Variants in PCCA observed in about 807,000 individuals in gnomAD.
PCCA encodes the protein propionyl-CoA carboxylase subunit alpha.
A neutral mutation model predicts 101.3 loss-of-function variants in PCCA; 74 were observed. The observed-to-expected ratio is 0.73, with a 90% CI of 0.61 to 0.89. The LOEUF is 0.89. Among genes scored for constraint, PCCA ranks in the 40% least tolerant of loss-of-function variants. The pLI, the probability that PCCA is intolerant of heterozygous loss-of-function variation, is 0.00. For synonymous variants in PCCA, 294 were observed against 313.6 expected (o/e 0.94, Z 0.66); for missense variants, 891 against 907.0 (o/e 0.98, Z 0.23).
In PCCA at chr13:100,124,174, C is replaced by T. The variant is rs371398294; in HGVS notation, c.300+12113C>T. 1.1e-4 allele frequency among the ~76,000 whole-genome samples: 17 copies of T among 152,100 alleles called. No individual in the cohort carries two copies. The East Asian group carries it at 3.3e-3, about 29-fold the overall frequency. On this transcript the variant is annotated intron_variant, in intron 4 of 23. Coordinates refer to ENST00000376285, the MANE Select transcript of PCCA (RefSeq NM_000282.4). ...TTTGATATTTTTTAAAAAATGAGAT[C>T]TCATCAGGTTAAATGAAAAGAGTTG...
intron 19 of PCCA, among the ~76,000 whole-genome samples, chr13:100,369,878 A>G (rs1429625019): frequency 3.3e-5 from 5 of 152,094 alleles, no homozygotes; most frequent in East Asian, 1.9e-4. Context: ...AAGAGTATCA[A>G]TATTACAATG....
intron 19 of PCCA, among the ~76,000 whole-genome samples, chr13:100,419,139 T>G (rs1304591720): frequency 6.6e-6 from 1 of 152,106 alleles, no homozygotes; most frequent in Non-Finnish European, 1.5e-5. Flanking sequence ...AGGTCCTTCT[T>G]CCTGCTGACA....
At chr13:100,473,151 C>G (rs1459435990) in intron 21 of PCCA, 2 of 152,318 alleles carry the variant, frequency 1.3e-5, no homozygotes, top group East Asian at 3.9e-4. Context: ...GTAATCAGAG[C>G]AAACGGTGAC....
intron 8 of PCCA, among the ~76,000 whole-genome samples, chr13:100,248,170 A>C (rs61969220): frequency 2.0e-3 from 301 of 151,858 alleles, no homozygotes; most frequent in Non-Finnish European, 3.5e-3. Flanking sequence ...TTAGCTGGAG[A>C]GTTTAGTCCA....
At chr13:100,287,480 T>C (rs1479373250) in intron 12 of PCCA, among the ~76,000 whole-genome samples, 1 of 152,114 alleles carries the variant, frequency 6.6e-6, no homozygotes, top group African/African-American at 2.4e-5. Flanking sequence ...ATGTTCTTAA[T>C]AAGAAAAATG....
intron 6 of PCCA, among the ~76,000 whole-genome samples, chr13:100,190,699 T>C (rs749218596): frequency 6.6e-6 from 1 of 151,760 alleles, no homozygotes; most frequent in Non-Finnish European, 1.5e-5. Flanking sequence ...AAAAAGCTCA[T>C]GCCTGTTATG....
At chr13:100,205,876 G>T (rs976348246) in intron 6 of PCCA, among the ~76,000 whole-genome samples, 1 of 152,096 alleles carries the variant, frequency 6.6e-6, no homozygotes, top group East Asian at 1.9e-4. Flanking sequence ...TCTTTACTTA[G>T]TGTTTAGTGG....
intron 19 of PCCA, among the ~76,000 whole-genome samples, chr13:100,403,621 C>T (rs930669699): frequency 6.6e-6 from 1 of 152,066 alleles, no homozygotes; most frequent in Non-Finnish European, 1.5e-5. Flanking sequence ...AGGACTTTTT[C>T]TTGGTTTAGC....
chr13:100,209,556 A>G lies in PCCA; in HGVS notation c.600+93A>G, dbSNP rs903283882. The G allele has an allele frequency of 4.6e-5, 42 of 914,596 alleles. No individual in the cohort carries two copies. The African/African-American group carries it at 6.2e-4, about 14-fold the overall frequency. 56.7% of individuals were successfully genotyped at this position (914,596 alleles called of 1,614,324 possible). ...AAAATGTAACTATTGCTTTTTTGGG[A>G]TATACACACACACACACACATATGC... On this transcript the variant is annotated intron_variant, in intron 7 of 23. Transcript: ENST00000376285.
chr13:100,306,044 C>T (rs2066418672), intron 14 of PCCA, among the ~76,000 whole-genome samples: 1 of 152,184 alleles, frequency 6.6e-6, no homozygotes, highest in African/African-American at 2.4e-5. Flanking sequence ...CTTCTGATGT[C>T]ACCGTATAAT....
At chr13:100,376,285 A>T (rs1298974117) in intron 19 of PCCA, among the ~76,000 whole-genome samples, 2 of 152,166 alleles carry the variant, frequency 1.3e-5, no homozygotes, top group Non-Finnish European at 2.9e-5. Flanking sequence ...GTGTCTGTCA[A>T]TCCCTGCGGG....
chr13:100,451,429 G>A (rs909536964), intron 21 of PCCA, among the ~76,000 whole-genome samples: 4 of 152,058 alleles, frequency 2.6e-5, no homozygotes, highest in African/African-American at 7.2e-5. Flanking sequence ...GTGTCAGTCC[G>A]TAAGATGGAC....
At chr13:100,150,860 G>C in intron 4 of PCCA, 2 of 1,573,930 alleles carry the variant, frequency 1.3e-6, no homozygotes, top group Non-Finnish European at 1.7e-6. Context: ...GCCATAAGTT[G>C]CACCCTTAGG....
At chr13:100,251,659 C>A (rs889799728) in intron 8 of PCCA, among the ~76,000 whole-genome samples, 1 of 152,108 alleles carries the variant, frequency 6.6e-6, no homozygotes, top group African/African-American at 2.4e-5. Flanking sequence ...AAGTATCAAT[C>A]TACAGATTAT....
At chr13:100,227,152 T>G (rs2060193139) in intron 7 of PCCA, among the ~76,000 whole-genome samples, 1 of 152,246 alleles carries the variant, frequency 6.6e-6, no homozygotes, top group Non-Finnish European at 1.5e-5. Context: ...TTTTGTTTTT[T>G]TTTTGGTAGA....
At chr13:100,515,965 C>CT in intron 22 of PCCA, among the ~76,000 whole-genome samples, 1 of 152,306 alleles carries the variant, frequency 6.6e-6, no homozygotes, top group African/African-American at 2.4e-5. Flanking sequence ...GAACAAATGT[C>CT]TAATTGGGAA....
intron 6 of PCCA, among the ~76,000 whole-genome samples, chr13:100,185,504 C>T (rs1054574258): frequency 6.6e-6 from 1 of 152,074 alleles, no homozygotes; most frequent in South Asian, 2.1e-4. Flanking sequence ...CACAAGCCAC[C>T]GTGCCTGGCT....
At chr13:100,156,504 G>T (rs9518011) in intron 5 of PCCA, among the ~76,000 whole-genome samples, 106,783 of 152,112 alleles carry the variant, frequency 0.7, 38,606 homozygotes, top group African/African-American at 0.88. Flanking sequence ...CTGAAGTGGC[G>T]AAATTTATGT....
rs369783659 is a variant in PCCA at position 100,314,014 on chromosome 13, C to T, written c.1429+4106C>T. ...TGATTATGTCTCTTTATTATCTTGC[C>T]GTCTTTCATATTTCATTTCATTAAT... On this transcript the variant is annotated intron_variant, in intron 16 of 23. Transcript: ENST00000376285. Among the ~76,000 whole-genome samples the T allele has an allele frequency of 1.0e-3, 151 of 151,746 alleles. 4 individuals are homozygous for T. In the South Asian group the frequency reaches 0.029, roughly 29 times the overall value.
Sources: allele counts gnomAD v4.1 joint callset (sites outside exome capture counted in the v4.1 genomes callset), GRCh38; gene constraint gnomAD v4.1.1; transcripts MANE v1.5; gene names NCBI Gene and HGNC (gene_info 2026-07-23, HGNC 2026-07-21).